LRP1B: variants seen among roughly 807,000 people sequenced by gnomAD.
LRP1B encodes low-density lipoprotein receptor-related protein 1B.
Under a neutral mutation model 556.6 loss-of-function variants are expected in LRP1B, and 217 were observed. That is an observed-to-expected ratio of 0.39 (90% confidence interval 0.35 to 0.44). The LOEUF is 0.44. Ranked by LOEUF, LRP1B falls within the 20% of genes least tolerant of loss-of-function variation. The pLI is 1.00. For synonymous variants in LRP1B, 2,047 were observed against 1,865.8 expected (o/e 1.10, Z -2.50); for missense variants, 5,053 against 5,620.8 (o/e 0.90, Z 3.23).
At chr2:141,559,934 G>T (rs1172140714) in intron 2 of LRP1B, among the ~76,000 whole-genome samples, 1 of 151,262 alleles carries the variant, frequency 6.6e-6, no homozygotes, top group South Asian at 2.1e-4. Flanking sequence ...TCCTTATTTT[G>T]CATCCAAAAA....
At chr2:141,064,175 A>AT (rs1319287509) in intron 7 of LRP1B, among the ~76,000 whole-genome samples, 1 of 151,892 alleles carries the variant, frequency 6.6e-6, no homozygotes, top group Admixed American at 6.6e-5. Flanking sequence ...TCTAAAACAG[A>AT]GAATTTTCAG....
intron 1 of LRP1B, among the ~76,000 whole-genome samples, chr2:142,061,444 A>G (rs1704906952): frequency 6.6e-6 from 1 of 152,052 alleles, no homozygotes; most frequent in Admixed American, 6.6e-5. Flanking sequence ...TTTCTAGGGA[A>G]TACAATAAAG....
chr2:141,382,577 C>G (rs966636564), intron 3 of LRP1B, among the ~76,000 whole-genome samples: 1 of 152,176 alleles, frequency 6.6e-6, no homozygotes, highest in African/African-American at 2.4e-5. Context: ...CATGGCTTGT[C>G]AAAACCAACA....
intron 7 of LRP1B, among the ~76,000 whole-genome samples, chr2:141,085,864 A>G (rs1700037384): frequency 6.6e-6 from 1 of 152,184 alleles, no homozygotes; most frequent in Non-Finnish European, 1.5e-5. Flanking sequence ...ACCTATTTTA[A>G]TCTAGAATAG....
Position 140,883,989 on chromosome 2 carries a change from C to T in LRP1B, c.3997G>A (p.Gly1333Ser), listed in dbSNP as rs754823493. ...VSAIEVVVEH[G>S]LATPEGLTVD... ...GTCAGGCCTTCTGGAGTAGCCAGGCCATGCTCCACAACCACTTCAATGGCA... is the reference window on the plus strand; with the variant it reads ...GTCAGGCCTTCTGGAGTAGCCAGGCTATGCTCCACAACCACTTCAATGGCA... Residue 1333 changes from glycine to serine, a missense_variant, in exon 25 of 91, where the codon GGC (glycine) becomes AGC (serine). Transcript: ENST00000389484. The T allele has an allele frequency of 6.2e-7, 1 of 1,612,892 alleles. No individual in the cohort carries two copies. Among genetic ancestry groups the T allele is most frequent in the South Asian group, 1.1e-5 (1 of 91,024 alleles).
chr2:141,232,341 A>C (rs1188990188), intron 5 of LRP1B, among the ~76,000 whole-genome samples: 1 of 152,184 alleles, frequency 6.6e-6, no homozygotes, highest in Non-Finnish European at 1.5e-5. Context: ...TTCATTTGAC[A>C]ACTGAAATGA....
intron 82 of LRP1B, among the ~76,000 whole-genome samples, chr2:140,315,961 G>T (rs577516377): frequency 6.6e-6 from 1 of 152,238 alleles, no homozygotes; most frequent in Admixed American, 6.5e-5. Flanking sequence ...TATCCTAAAT[G>T]ATTCCGTAGA....
chr2:141,929,912 C>CA lies in LRP1B; in HGVS notation c.83-119512dup, dbSNP rs70994467. Reference sequence around the variant, plus strand: ...AGCCAGGAGAAACCGCGGATGGAAACAAAAAAAAAAAAAAAAAAAAAAAAA... The same window carrying CA: ...AGCCAGGAGAAACCGCGGATGGAAACAAAAAAAAAAAAAAAAAAAAAAAAAA... On this transcript the variant is annotated intron_variant, in intron 1 of 90. Transcript: ENST00000389484. Among the ~76,000 whole-genome samples, 435 of 104,106 alleles carry CA rather than the reference C, an allele frequency of 4.2e-3. 15 individuals are homozygous for CA. Among genetic ancestry groups the CA allele is most frequent in the African/African-American group, 0.014 (361 of 26,462 alleles). 68.3% of individuals were successfully genotyped at this position (104,106 alleles called of 152,430 possible). A position where few individuals can be genotyped will look rare whatever the true frequency, so the allele number is the denominator to read the frequency against.
intron 4 of LRP1B, 84 bp from the exon 5 acceptor site, chr2:141,247,438 CT>C: frequency 4.6e-6 from 7 of 1,520,670 alleles, no homozygotes; most frequent in Non-Finnish European, 6.3e-6. Flanking sequence ...TATTTTTGAA[CT>C]TCGGAAATAG....
intron 47 of LRP1B, among the ~76,000 whole-genome samples, chr2:140,532,220 T>C (rs1235689109): frequency 6.6e-6 from 1 of 152,122 alleles, no homozygotes; most frequent in African/African-American, 2.4e-5. Flanking sequence ...CACAATCCTA[T>C]TCTTTTCATT....
chr2:140,384,251 C>G lies in LRP1B; in HGVS notation c.10531+1642G>C, dbSNP rs574413686. On this transcript the variant is annotated intron_variant, in intron 67 of 90. Transcript: ENST00000389484. ...CAGTTACCTCATAGATGATTAACAC[C>G]AAATATATCAAAAGAAAAGCTAAGT... Among the ~76,000 whole-genome samples, 7 of 152,238 alleles carry G rather than the reference C, an allele frequency of 4.6e-5. No individual in the cohort carries two copies. In the East Asian group the frequency reaches 1.4e-3, roughly 29 times the overall value.
chr2:140,717,853 T>G (rs1687266292), intron 35 of LRP1B, among the ~76,000 whole-genome samples: 1 of 152,104 alleles, frequency 6.6e-6, no homozygotes, highest in African/African-American at 2.4e-5. Context: ...CTTTTACCAG[T>G]TCAGGAAAAG....
intron 7 of LRP1B, among the ~76,000 whole-genome samples, chr2:141,112,357 C>A (rs1233963223): frequency 6.6e-6 from 1 of 152,090 alleles, no homozygotes; most frequent in Non-Finnish European, 1.5e-5. Flanking sequence ...TTTTCACAGT[C>A]TTTTAATACC....
At chr2:140,599,961 A>G (rs1682589552) in intron 42 of LRP1B, among the ~76,000 whole-genome samples, 2 of 152,242 alleles carry the variant, frequency 1.3e-5, no homozygotes, top group South Asian at 4.1e-4. Flanking sequence ...GGTGGTTTGA[A>G]GGTGTCATTT....
At chr2:141,550,927 G>A (rs1685728121) in intron 2 of LRP1B, among the ~76,000 whole-genome samples, 2 of 152,082 alleles carry the variant, frequency 1.3e-5, no homozygotes, top group South Asian at 4.1e-4. Context: ...ATTTTACCAA[G>A]AGAAAACATC....
chr2:140,256,179 T>C (rs1410765794), intron 86 of LRP1B, among the ~76,000 whole-genome samples: 3 of 152,034 alleles, frequency 2.0e-5, no homozygotes. Context: ...ATGACACAAA[T>C]ACCGTATGCA....
chr2:141,715,002 AT>A lies in LRP1B; in HGVS notation c.205+95276del, dbSNP rs1692524288. Among the ~76,000 whole-genome samples, 8 of 152,132 alleles carry A rather than the reference AT, an allele frequency of 5.3e-5. 1 individual carries two copies. In the South Asian group the frequency reaches 1.5e-3, roughly 28 times the overall value. ...TGATTATGATTTTTGCTTTATACTA[AT>A]TTTTTCCAGGCATTCGTTCACCAAA... On this transcript the variant is annotated intron_variant, in intron 2 of 90. Coordinates refer to ENST00000389484, the MANE Select transcript of LRP1B (RefSeq NM_018557.3).
intron 31 of LRP1B, among the ~76,000 whole-genome samples, chr2:140,836,563 A>G (rs1691910331): frequency 1.3e-5 from 2 of 152,178 alleles, no homozygotes; most frequent in Admixed American, 1.3e-4. Context: ...GGTGAATGCT[A>G]CCAAAGGAGA....
intron 3 of LRP1B, among the ~76,000 whole-genome samples, chr2:141,363,399 T>C (rs1192902615): frequency 6.6e-6 from 1 of 152,026 alleles, no homozygotes; most frequent in East Asian, 1.9e-4. Flanking sequence ...GAACTGGAGA[T>C]TGTGTGTTTA....
Sources: allele counts gnomAD v4.1 joint callset (sites outside exome capture counted in the v4.1 genomes callset), GRCh38; gene constraint gnomAD v4.1.1; transcripts MANE v1.5; gene names NCBI Gene and HGNC (gene_info 2026-07-23, HGNC 2026-07-21).